Variants in ZNF407 observed in about 807,000 individuals in gnomAD.
ZNF407 encodes the protein zinc finger protein 407.
ZNF407 carries 17 observed loss-of-function variants against 131.2 expected under a neutral mutation model. The observed-to-expected ratio is 0.13, with a 90% CI of 0.09 to 0.19. The LOEUF is 0.19. Among genes scored for constraint, ZNF407 ranks in the 10% least tolerant of loss-of-function variants. The pLI is 1.00. For missense variants in ZNF407, 2,681 were observed against 2,830.6 expected (o/e 0.95, Z 1.20); for synonymous variants, 1,156 against 1,062.0 (o/e 1.09, Z -1.72).
At chr18:74,679,336 T>C (rs1966927865) in intron 3 of ZNF407, among the ~76,000 whole-genome samples, 1 of 152,222 alleles carries the variant, frequency 6.6e-6, no homozygotes, top group South Asian at 2.1e-4. Flanking sequence ...TCTTACTGCA[T>C]TTCAAACTGG....
At chr18:74,675,131 C>G (rs1462202562) in intron 3 of ZNF407, among the ~76,000 whole-genome samples, 1 of 152,116 alleles carries the variant, frequency 6.6e-6, no homozygotes, top group Non-Finnish European at 1.5e-5. Flanking sequence ...CTTATCTGTC[C>G]CTTGAAGTTG....
intron 8 of ZNF407, among the ~76,000 whole-genome samples, chr18:74,944,835 CCA>C (rs1355320957): frequency 1.3e-5 from 2 of 152,170 alleles, no homozygotes; most frequent in Non-Finnish European, 2.9e-5. Flanking sequence ...AGTTTGAGTG[CCA>C]CGTCACTATT....
At chr18:75,042,182 T>C (rs1189207107) in intron 8 of ZNF407, among the ~76,000 whole-genome samples, 1 of 152,080 alleles carries the variant, frequency 6.6e-6, no homozygotes, top group Non-Finnish European at 1.5e-5. Context: ...ATCATGGGTA[T>C]GAACCACCAC....
chr18:74,728,602 G>A (rs757372601), intron 3 of ZNF407, among the ~76,000 whole-genome samples: 1 of 152,156 alleles, frequency 6.6e-6, no homozygotes, highest in African/African-American at 2.4e-5. Context: ...GTGTTGGTGG[G>A]CCACCTACCT....
At chr18:74,755,785 T>TTCTTTCTTTC (rs1968938353) in intron 3 of ZNF407, among the ~76,000 whole-genome samples, 4 of 44,984 alleles carry the variant, frequency 8.9e-5, no homozygotes, top group Admixed American at 5.5e-4. Context: ...CTCTCTCTCT[T>TTCTTTCTTTC]TCCTTCCTTC....
intron 6 of ZNF407, among the ~76,000 whole-genome samples, chr18:74,888,362 G>A (rs1171536632): frequency 2.0e-5 from 3 of 151,242 alleles, no homozygotes; most frequent in African/African-American, 7.3e-5. Context: ...AAAAGTAACA[G>A]GTGTAAACAT....
chr18:74,782,529 G>C (rs904761091), intron 4 of ZNF407, among the ~76,000 whole-genome samples: 1 of 150,760 alleles, frequency 6.6e-6, no homozygotes, highest in Non-Finnish European at 1.5e-5. Flanking sequence ...CCATATGTTT[G>C]ATTTCATCCC....
At chr18:75,020,316 ATGTGTG>A (rs56845489) in intron 8 of ZNF407, among the ~76,000 whole-genome samples, 7,374 of 149,504 alleles carry the variant, frequency 0.049, 355 homozygotes, top group African/African-American at 0.13. Flanking sequence ...GTGTATGTGC[ATGTGTG>A]TGTGTGTGTG....
chr18:74,732,949 T>C (rs935189830), intron 3 of ZNF407, among the ~76,000 whole-genome samples: 4 of 152,198 alleles, frequency 2.6e-5, no homozygotes, highest in Non-Finnish European at 5.9e-5. Flanking sequence ...TCTATACTTT[T>C]ATATTTCAGT....
At chr18:75,054,609 T>A (rs1973540546) in intron 8 of ZNF407, among the ~76,000 whole-genome samples, 1 of 152,258 alleles carries the variant, frequency 6.6e-6, no homozygotes, top group South Asian at 2.1e-4. Flanking sequence ...AAGGTATGTA[T>A]AATGTGTACA....
At chr18:74,767,519 A>G (rs940350325) in intron 3 of ZNF407, among the ~76,000 whole-genome samples, 1 of 152,130 alleles carries the variant, frequency 6.6e-6, no homozygotes, top group Non-Finnish European at 1.5e-5. Context: ...ATTTCATGGA[A>G]AATATTTATC....
intron 1 of ZNF407, among the ~76,000 whole-genome samples, chr18:74,617,744 G>T (rs1195195477): frequency 6.6e-6 from 1 of 152,176 alleles, no homozygotes; most frequent in Non-Finnish European, 1.5e-5. Flanking sequence ...GCAAGGTGTT[G>T]CCAGTTTATC....
At chr18:74,778,096 G>T (rs1253095628) in intron 3 of ZNF407, among the ~76,000 whole-genome samples, 1 of 152,196 alleles carries the variant, frequency 6.6e-6, no homozygotes, top group African/African-American at 2.4e-5. Context: ...TCAGATGCCT[G>T]AGATGGCTTT....
rs1464693027 is a variant in ZNF407, at chr18:74,985,100, T to C, written c.5428+64408T>C. Among the ~76,000 whole-genome samples, 5 of 152,328 alleles carry C rather than the reference T, an allele frequency of 3.3e-5. No individual in the cohort carries two copies. The East Asian group carries it at 9.6e-4, about 29-fold the overall frequency. On this transcript the variant is annotated intron_variant, in intron 8 of 8. Coordinates refer to ENST00000299687, the MANE Select transcript of ZNF407 (RefSeq NM_017757.3). ...TGTCGATATTTGAGCACAGTTCTGA[T>C]TAGTGCATCCTATATTCATAAAAGA...
At chr18:75,052,979 C>A (rs577000338) in intron 8 of ZNF407, among the ~76,000 whole-genome samples, 1 of 152,186 alleles carries the variant, frequency 6.6e-6, no homozygotes, top group South Asian at 2.1e-4. Flanking sequence ...CCTTTAATTT[C>A]CCTGATAAAC....
rs139523526 is a variant in ZNF407 at position 74,664,861 on chromosome 18, A to G, written c.4802+23739A>G. On this transcript the variant is annotated intron_variant, in intron 3 of 8. Coordinates refer to ENST00000299687, the MANE Select transcript of ZNF407 (RefSeq NM_017757.3). ...GAATAGACAAGATCATGCCCTGTTC[A>G]CAGAAAGGAGCCTGGTTGATTGAGT... 2.1e-3 allele frequency among the ~76,000 whole-genome samples: 327 copies of G among 152,262 alleles called. 2 individuals carry two copies. Among genetic ancestry groups the G allele is most frequent in the African/African-American group, 7.5e-3 (311 of 41,548 alleles).
chr18:75,028,637 G>A (rs75797727), intron 8 of ZNF407, among the ~76,000 whole-genome samples: 1,604 of 152,264 alleles, frequency 0.011, 32 homozygotes, highest in African/African-American at 0.036. Context: ...AACACTGAAC[G>A]TCAATGTGCG....
intron 7 of ZNF407, among the ~76,000 whole-genome samples, chr18:74,919,980 C>T (rs1251946970): frequency 1.3e-5 from 2 of 152,186 alleles, no homozygotes; most frequent in Non-Finnish European, 2.9e-5. Context: ...TCACAGAAAA[C>T]GCCACGGGAT....
At chr18:75,062,296 G>C (rs1455505383) in intron 8 of ZNF407, 1 of 152,208 alleles carries the variant, frequency 6.6e-6, no homozygotes, top group African/African-American at 2.4e-5. Flanking sequence ...TTGTCTCTGT[G>C]TCTTGTCACC....
Sources: allele counts gnomAD v4.1 joint callset (sites outside exome capture counted in the v4.1 genomes callset), GRCh38; gene constraint gnomAD v4.1.1; transcripts MANE v1.5; gene names NCBI Gene and HGNC (gene_info 2026-07-23, HGNC 2026-07-21).